DOCK1: variants seen among roughly 807,000 people sequenced by gnomAD.
The protein encoded by DOCK1 is dedicator of cytokinesis 1, also known as dedicator of cytokinesis protein 1.
Under a neutral mutation model 262.7 loss-of-function variants are expected in DOCK1, and 138 were observed. The ratio of observed to expected loss-of-function variants is 0.53; its 90% CI spans 0.46 to 0.61. DOCK1 has a LOEUF of 0.61. Among genes scored for constraint, DOCK1 ranks in the 20% least tolerant of loss-of-function variants. The pLI is 0.00. For missense variants in DOCK1, 1,908 were observed against 2,370.7 expected (o/e 0.80, Z 4.05); for synonymous variants, 866 against 867.4 (o/e 1.00, Z 0.03).
chr10:127,308,773 T>A (rs1276874099), intron 29 of DOCK1, among the ~76,000 whole-genome samples: 1 of 152,212 alleles, frequency 6.6e-6, no homozygotes, highest in Admixed American at 6.5e-5. Flanking sequence ...ACTCATTCTT[T>A]TTTTATGGCT....
intron 1 of DOCK1, among the ~76,000 whole-genome samples, chr10:126,966,415 C>T (rs921981237): frequency 9.5e-4 from 144 of 152,212 alleles, no homozygotes; most frequent in Non-Finnish European, 1.9e-3. Context: ...GGATAAATGC[C>T]CAGTGGCGGG....
In DOCK1 at chr10:127,316,043, AG is replaced by A. The variant is rs1011256885; in HGVS notation, c.3045-22961del. 5.3e-5 allele frequency among the ~76,000 whole-genome samples: 8 copies of A among 152,144 alleles called. No individual in the cohort carries two copies. The South Asian group carries it at 1.5e-3, about 28-fold the overall frequency. Reference sequence around the variant, plus strand: ...CTTACTCTTTAAAAAGAAAAAAAAAAGGTGTATATTTAAGGCCTACAATGGG... The same window carrying A: ...CTTACTCTTTAAAAAGAAAAAAAAAAGTGTATATTTAAGGCCTACAATGGG... On this transcript the variant is annotated intron_variant, in intron 29 of 51. Coordinates refer to ENST00000623213, the MANE Select transcript of DOCK1 (RefSeq NM_001290223.2).
chr10:127,163,362 G>C (rs765366015), intron 27 of DOCK1, among the ~76,000 whole-genome samples: 1 of 152,066 alleles, frequency 6.6e-6, no homozygotes, highest in Middle Eastern at 3.4e-3. Context: ...GGAGTATACC[G>C]GGAGCTGTAG....
intron 51 of DOCK1, among the ~76,000 whole-genome samples, chr10:127,450,134 T>C (rs545560709): frequency 2.0e-5 from 3 of 152,210 alleles, no homozygotes; most frequent in African/African-American, 4.8e-5. Context: ...TTCCTTAATA[T>C]AAGGTCATAC....
intron 31 of DOCK1, among the ~76,000 whole-genome samples, chr10:127,350,932 A>G (rs562684547): frequency 8.5e-4 from 129 of 152,290 alleles, no homozygotes; most frequent in African/African-American, 2.7e-3. Context: ...GTTGTTCACA[A>G]AAGCCTAGGA....
intron 1 of DOCK1, among the ~76,000 whole-genome samples, chr10:126,908,936 C>T (rs374121184): frequency 2.8e-4 from 43 of 152,308 alleles, no homozygotes; most frequent in African/African-American, 1.0e-3. Flanking sequence ...CTCACTCACT[C>T]ACATCTCAAC....
At chr10:126,941,862 C>T in intron 1 of DOCK1, among the ~76,000 whole-genome samples, 1 of 152,150 alleles carries the variant, frequency 6.6e-6, no homozygotes, top group East Asian at 1.9e-4. Flanking sequence ...CCTTTCTCAG[C>T]CCGCCTTTGC....
At chr10:127,014,564 C>T (rs1220685937) in intron 12 of DOCK1, among the ~76,000 whole-genome samples, 6 of 152,198 alleles carry the variant, frequency 3.9e-5, no homozygotes, top group Non-Finnish European at 8.8e-5. Context: ...CAACCTTTGA[C>T]CTCTGTAGAT....
At chr10:127,351,819 C>G (rs1400965943) in intron 31 of DOCK1, among the ~76,000 whole-genome samples, 1 of 152,088 alleles carries the variant, frequency 6.6e-6, no homozygotes, top group Non-Finnish European at 1.5e-5. Flanking sequence ...TGTATAGATT[C>G]ATCAAAGCTC....
chr10:127,122,437 C>T (rs904035434), intron 25 of DOCK1, among the ~76,000 whole-genome samples: 5 of 151,948 alleles, frequency 3.3e-5, no homozygotes, highest in Non-Finnish European at 7.4e-5. Flanking sequence ...CTGATGGTGC[C>T]GGGGGAGACC....
chr10:127,131,492 A>G (rs1446396489), intron 27 of DOCK1, among the ~76,000 whole-genome samples: 1 of 152,238 alleles, frequency 6.6e-6, no homozygotes, highest in African/African-American at 2.4e-5. Flanking sequence ...GATGTTTTCA[A>G]GAAGGGTGTT....
intron 27 of DOCK1, among the ~76,000 whole-genome samples, chr10:127,180,045 AC>A (rs1399420919): frequency 1.3e-5 from 2 of 152,172 alleles, no homozygotes; most frequent in African/African-American, 4.8e-5. Context: ...ACCCATTGAA[AC>A]AGCTGAATCC....
chr10:127,400,460 G>A (rs1224986591), intron 38 of DOCK1, among the ~76,000 whole-genome samples: 1 of 152,232 alleles, frequency 6.6e-6, no homozygotes, highest in East Asian at 1.9e-4. Flanking sequence ...ATCCTGGCAG[G>A]AGGTGGGGAA....
At chr10:127,344,094 A>T in intron 31 of DOCK1, 1 of 198,536 alleles carries the variant, frequency 5.0e-6, no homozygotes, top group Non-Finnish European at 1.0e-5. Context: ...GGAGCTTCTG[A>T]TGAAAGCTCT....
chr10:127,403,727 C>G (rs1288289596), intron 39 of DOCK1, among the ~76,000 whole-genome samples: 1 of 152,206 alleles, frequency 6.6e-6, no homozygotes, highest in Non-Finnish European at 1.5e-5. Context: ...CCAATGCACT[C>G]CAGCCTGGGC....
At chr10:126,944,670 G>A (rs1246389253) in intron 1 of DOCK1, among the ~76,000 whole-genome samples, 2 of 152,108 alleles carry the variant, frequency 1.3e-5, no homozygotes, top group African/African-American at 2.4e-5. Flanking sequence ...TTGCTAGGGT[G>A]CCCTCGGCTC....
In DOCK1 at chr10:126,948,714, C is replaced by T. The variant is rs1366408008; in HGVS notation, c.47-21988C>T. ...CACCTCTCGGAGCCTGTGATGCGGG[C>T]GCCCAGCTGTGCAGCTGCCATCCAG... is the stretch of plus-strand genomic sequence containing the variant. On this transcript the variant is annotated intron_variant, in intron 1 of 51. Transcript: ENST00000623213. 7.9e-5 allele frequency among the ~76,000 whole-genome samples: 12 copies of T among 152,132 alleles called. No homozygotes were observed. The South Asian group carries it at 8.3e-4, about 11-fold the overall frequency.
At chr10:127,163,760 C>T (rs2053801620) in intron 27 of DOCK1, among the ~76,000 whole-genome samples, 1 of 151,708 alleles carries the variant, frequency 6.6e-6, no homozygotes. Context: ...TAGTCTTGCA[C>T]CTAAACCAGG....
chr10:127,219,797 AG>A (rs1486308228), intron 27 of DOCK1, among the ~76,000 whole-genome samples: 1 of 151,926 alleles, frequency 6.6e-6, no homozygotes, highest in Non-Finnish European at 1.5e-5. Context: ...CTGCCCATGG[AG>A]CTCTATCCTA....
Sources: gnomAD v4.1 joint callset for allele counts (sites outside exome capture counted in the v4.1 genomes callset) on GRCh38, gnomAD v4.1.1 for gene constraint, MANE v1.5 for transcripts, NCBI Gene and HGNC (gene_info 2026-07-23, HGNC 2026-07-21) for gene names.